RIPOR3: variants seen among roughly 807,000 people sequenced by gnomAD.
RIPOR3 encodes RIPOR family member 3.
RIPOR3 carries 95 observed loss-of-function variants against 114.3 expected under a neutral mutation model. The ratio of observed to expected loss-of-function variants is 0.83; its 90% CI spans 0.70 to 0.99. The LOEUF is 0.99. Among genes scored for constraint, RIPOR3 ranks in the 50% least tolerant of loss-of-function variants. RIPOR3 has a pLI of 0.00. For missense variants in RIPOR3, 1,252 were observed against 1,266.9 expected (o/e 0.99, Z 0.18); for synonymous variants, 575 against 543.8 (o/e 1.06, Z -0.80).
At position 50,587,870 on chromosome 20, in the gene RIPOR3, G is replaced by T; in HGVS notation, c.2684C>A (p.Thr895Asn). The T allele has an allele frequency of 6.2e-7, 1 of 1,614,172 alleles. No homozygotes were observed. The highest frequency in any genetic ancestry group is 8.5e-7 in the Non-Finnish European group (1 of 1,180,048). The change falls in exon 21 of 22, where the codon ACT (threonine) becomes AAT (asparagine). Residue 895 changes from threonine (T) to asparagine (N), a missense_variant. Coordinates refer to ENST00000327979, the MANE Select transcript of RIPOR3 (RefSeq NM_001290268.2). The part of the protein sequence containing the change: ...HLKGIESIDQ[T>N]ASLCQSDLEA... ...CAGGTCAGACTGGCACAGGCTGGCAGTCTGGTCGATGCTTTCAATGCCCTG... is the reference window on the plus strand; with the variant it reads ...CAGGTCAGACTGGCACAGGCTGGCATTCTGGTCGATGCTTTCAATGCCCTG...
At chr20:50,615,956 C>T in intron 4 of RIPOR3, 46 bp downstream of exon 4, 1 of 1,559,134 alleles carries the variant, frequency 6.4e-7, no homozygotes, top group African/African-American at 1.4e-5. Context: ...TCTTTTACTC[C>T]TGGCCAAGGC....
rs148329409 is a variant in RIPOR3, at chr20:50,603,270, G to A, written c.1087-626C>T. ...TTTTGTTTTGTTTTGAAATAGTCTC[G>A]CTCTGTTGCCCAGGCTGGAGTGCAG... On this transcript the variant is annotated intron_variant, in intron 12 of 21. Transcript: ENST00000327979. Among the ~76,000 whole-genome samples the A allele has an allele frequency of 4.2e-4, 64 of 152,240 alleles. No individual in the cohort carries two copies. In the East Asian group the frequency reaches 0.01, roughly 24 times the overall value.
At chr20:50,606,095 A>G (rs2083703795) in intron 11 of RIPOR3, among the ~76,000 whole-genome samples, 1 of 152,236 alleles carries the variant, frequency 6.6e-6, no homozygotes, top group African/African-American at 2.4e-5. Context: ...GATCCCAGCT[A>G]CTTGAGAGGC....
chr20:50,615,133 G>GTGTGTGTGTGTGTA (rs1327356082), intron 4 of RIPOR3, among the ~76,000 whole-genome samples: 1 of 146,750 alleles, frequency 6.8e-6, no homozygotes, highest in Admixed American at 6.8e-5. Flanking sequence ...GTGTGTGTGT[G>GTGTGTGTGTGTGTA]TGTGTGTGTG....
intron 19 of RIPOR3, among the ~76,000 whole-genome samples, chr20:50,592,045 G>A (rs963965283): frequency 1.3e-5 from 2 of 152,148 alleles, no homozygotes; most frequent in South Asian, 2.1e-4. Context: ...CAAGATCGTG[G>A]CACTGGACTC....
chr20:50,665,421 C>CTTTTTT (rs11471486), intron 1 of RIPOR3, among the ~76,000 whole-genome samples: 59,359 of 107,626 alleles, frequency 0.55, 19,707 homozygotes, highest in East Asian at 0.72. Flanking sequence ...CCCCCTCTTC[C>CTTTTTT]TTTTTTTTTT....
At chr20:50,684,690 GC>G (rs1386867434) in intron 1 of RIPOR3, among the ~76,000 whole-genome samples, 1 of 152,220 alleles carries the variant, frequency 6.6e-6, no homozygotes, top group African/African-American at 2.4e-5. Flanking sequence ...CACCATGGCC[GC>G]TGGGACCAGG....
At chr20:50,673,530 C>G (rs894544486) in intron 1 of RIPOR3, among the ~76,000 whole-genome samples, 1 of 152,214 alleles carries the variant, frequency 6.6e-6, no homozygotes, top group African/African-American at 2.4e-5. Flanking sequence ...CAACTATTTC[C>G]TGGCCCCAAA....
intron 5 of RIPOR3, 133 bp downstream of exon 5, chr20:50,611,048 C>T (rs2083960781): frequency 6.5e-7 from 1 of 1,534,082 alleles, no homozygotes; most frequent in East Asian, 2.3e-5. Context: ...CGCAGAGACT[C>T]AGCCTTCCCA....
At chr20:50,598,031 C>T (rs916005502) in intron 13 of RIPOR3, among the ~76,000 whole-genome samples, 2 of 152,204 alleles carry the variant, frequency 1.3e-5, no homozygotes, top group African/African-American at 4.8e-5. Flanking sequence ...CCAGCGGGGA[C>T]CAGGGAGGCA....
At chr20:50,666,192 C>CTT (rs1317774578) in intron 1 of RIPOR3, among the ~76,000 whole-genome samples, 1 of 26,708 alleles carries the variant, frequency 3.7e-5, no homozygotes, top group African/African-American at 6.4e-5. Flanking sequence ...CATTTCTTTT[C>CTT]TTTTCTTTTC....
intron 1 of RIPOR3, among the ~76,000 whole-genome samples, chr20:50,671,107 T>C (rs1344315064): frequency 6.6e-6 from 1 of 152,102 alleles, no homozygotes; most frequent in Non-Finnish European, 1.5e-5. Flanking sequence ...TTTGTATTTT[T>C]AGTTGTTTAG....
chr20:50,637,345 T>TC (rs1420602127), intron 1 of RIPOR3, among the ~76,000 whole-genome samples: 1 of 151,668 alleles, frequency 6.6e-6, no homozygotes, highest in Non-Finnish European at 1.5e-5. Flanking sequence ...ACGCCTCCCT[T>TC]CCCCCAGGTC....
In RIPOR3 at chr20:50,586,954, G is replaced by A. The variant is rs987010645; in HGVS notation, c.*278C>T. The A allele has an allele frequency of 2.1e-5, 8 of 374,506 alleles. No homozygotes were observed. The highest frequency in any genetic ancestry group is 8.1e-5 in the African/African-American group (4 of 49,544). The allele number at this position is 374,506 out of a possible 1,614,324, so 23.2% of individuals were successfully genotyped here. ...CTAGTTTGGCTCAGCTCTGCATCTC[G>A]GGGAAGGTCACACAGACCCTCAGCC... On this transcript the variant is annotated 3_prime_UTR_variant, in exon 22 of 22. Transcript: ENST00000327979.
rs2086891184 is a variant in RIPOR3, at chr20:50,682,550, T to C, written c.3+8576A>G. ...TGAGCCCAAGAAGTCAAGGCTACAG[T>C]GAGCTGAGATTGCACCACTGCACTC... On this transcript the variant is annotated intron_variant, in intron 1 of 21. Coordinates refer to ENST00000327979, the MANE Select transcript of RIPOR3 (RefSeq NM_001290268.2). Among the ~76,000 whole-genome samples the C allele has an allele frequency of 2.7e-5, 4 of 149,796 alleles. No homozygotes were observed. The South Asian group carries it at 8.6e-4, about 32-fold the overall frequency.
chr20:50,620,122 T>G lies in RIPOR3; in HGVS notation c.133A>C (p.Asn45His), dbSNP rs1333222244. Residue 45 changes from asparagine (N) to histidine (H), a missense_variant, in exon 3 of 22, where the codon AAC (asparagine) becomes CAC (histidine). Physicochemically the swap from Asn to His is moderately conservative, Grantham distance 68. Coordinates refer to ENST00000327979, the MANE Select transcript of RIPOR3 (RefSeq NM_001290268.2). ...AQSRRIAKSINRNSVRSRMPA... is the reference protein window; with the variant it reads ...AQSRRIAKSIHRNSVRSRMPA... ...ATTCGCGATCTCACGGAGTTCCTGT[T>G]GATGGACTTTCTGTGAGAAGGGTTG... The G allele has an allele frequency of 6.2e-7, 1 of 1,613,906 alleles. No homozygotes were observed. The highest frequency in any genetic ancestry group is 1.7e-5 in the Admixed American group (1 of 60,008).
intron 1 of RIPOR3, among the ~76,000 whole-genome samples, chr20:50,635,889 G>T (rs372843430): frequency 6.6e-6 from 1 of 152,214 alleles, no homozygotes; most frequent in Admixed American, 6.5e-5. Context: ...CTCCTCCAGC[G>T]GGGAAGAGGC....
chr20:50,661,816 C>T (rs1004341368), intron 1 of RIPOR3, among the ~76,000 whole-genome samples: 7 of 152,294 alleles, frequency 4.6e-5, no homozygotes, highest in Middle Eastern at 3.4e-3. Flanking sequence ...CCTGGGGTCC[C>T]GCGCAGGACA....
intron 4 of RIPOR3, among the ~76,000 whole-genome samples, chr20:50,612,951 G>A (rs1372322516): frequency 6.6e-6 from 1 of 151,944 alleles, no homozygotes; most frequent in Non-Finnish European, 1.5e-5. Flanking sequence ...AAATTAACTG[G>A]GCATGGTGGC....
Sources: gnomAD v4.1 joint callset for allele counts (sites outside exome capture counted in the v4.1 genomes callset) on GRCh38, gnomAD v4.1.1 for gene constraint, MANE v1.5 for transcripts, NCBI Gene and HGNC (gene_info 2026-07-23, HGNC 2026-07-21) for gene names.